MAPK4: variants seen among roughly 807,000 people sequenced by gnomAD.
MAPK4 encodes the protein Erk3-related.
A neutral mutation model predicts 47.7 loss-of-function variants in MAPK4; 22 were observed. The observed-to-expected ratio is 0.46, with a 90% CI of 0.33 to 0.66. The LOEUF (loss-of-function observed/expected upper bound fraction) is 0.66. Ranked by LOEUF, MAPK4 falls within the 30% of genes least tolerant of loss-of-function variation. The probability of loss-of-function intolerance (pLI) is 0.02; values close to 1 mark genes in which losing one functional copy is unlikely to be tolerated. For missense variants in MAPK4, 736 were observed against 831.7 expected (o/e 0.88, Z 1.42); for synonymous variants, 390 against 365.7 (o/e 1.07, Z -0.76).
At chr18:50,607,683 A>G (rs150233417) in intron 1 of MAPK4, among the ~76,000 whole-genome samples, 132 of 152,284 alleles carry the variant, frequency 8.7e-4, no homozygotes, top group African/African-American at 3.0e-3. Context: ...TCAGTCATGT[A>G]CCCATGTATT....
intron 1 of MAPK4, among the ~76,000 whole-genome samples, chr18:50,593,305 C>T (rs1018017614): frequency 1.8e-4 from 28 of 152,266 alleles, no homozygotes; most frequent in African/African-American, 5.3e-4. Context: ...GTCTTCCCAT[C>T]GTCTTTCCAT....
At chr18:50,687,235 G>A (rs1399170964) in intron 2 of MAPK4, among the ~76,000 whole-genome samples, 1 of 151,806 alleles carries the variant, frequency 6.6e-6, no homozygotes, top group Non-Finnish European at 1.5e-5. Context: ...GCATTGCCTA[G>A]GCTGGCCCTG....
At chr18:50,691,461 T>C (rs545809190) in intron 2 of MAPK4, among the ~76,000 whole-genome samples, 2 of 152,200 alleles carry the variant, frequency 1.3e-5, no homozygotes, top group South Asian at 4.1e-4. Flanking sequence ...TCATGCTCAG[T>C]TGAAATTTGA....
chr18:50,632,378 G>A (rs1203519867), intron 1 of MAPK4, among the ~76,000 whole-genome samples: 3 of 152,106 alleles, frequency 2.0e-5, no homozygotes, highest in African/African-American at 7.2e-5. Context: ...GTTCTTTTGT[G>A]TTATGTCAGA....
At chr18:50,572,626 G>C (rs1449690603) in intron 1 of MAPK4, among the ~76,000 whole-genome samples, 2 of 151,654 alleles carry the variant, frequency 1.3e-5, no homozygotes, top group Admixed American at 6.6e-5. Flanking sequence ...TTCTGAACTA[G>C]AGGCAGTAAA....
intron 1 of MAPK4, among the ~76,000 whole-genome samples, chr18:50,570,685 A>G (rs2042242156): frequency 6.6e-6 from 1 of 152,158 alleles, no homozygotes; most frequent in African/African-American, 2.4e-5. Context: ...TTGGAGCTTT[A>G]TGATAGTTTT....
At position 50,636,355 on chromosome 18, in the gene MAPK4, TG is replaced by T. The variant is rs2042888299; in HGVS notation, c.-870-26733del. Reference sequence around the variant, plus strand: ...TGAAGCCCCAAGAGGGCAGGGGCTATGTCTGACTGTTCATTTTATCCCCAGT... The same window carrying T: ...TGAAGCCCCAAGAGGGCAGGGGCTATTCTGACTGTTCATTTTATCCCCAGT... On this transcript the variant is annotated intron_variant, in intron 1 of 5. Coordinates refer to ENST00000400384, the MANE Select transcript of MAPK4 (RefSeq NM_002747.4). Among the ~76,000 whole-genome samples, 3 of 152,250 alleles carry T rather than the reference TG, an allele frequency of 2.0e-5. No individual in the cohort carries two copies. In the South Asian group the frequency reaches 6.2e-4, roughly 32 times the overall value.
Position 50,663,834 on chromosome 18 carries a change from G to A in MAPK4, c.-125G>A. The A allele has an allele frequency of 5.0e-6, 4 of 805,630 alleles. No individual in the cohort carries two copies. The highest frequency in any genetic ancestry group is 5.9e-6 in the Non-Finnish European group (3 of 510,866). The allele number at this position is 805,630 out of a possible 1,614,324, so 49.9% of individuals were successfully genotyped here. On this transcript the variant is annotated 5_prime_UTR_variant, in exon 2 of 6. Transcript: ENST00000400384. ...GCTGGTGGCAGTGACCTCACTAGGAGAAAACACATCCCTCAGCCGTGGGAC... is the reference window on the plus strand; with the variant it reads ...GCTGGTGGCAGTGACCTCACTAGGAAAAAACACATCCCTCAGCCGTGGGAC...
chr18:50,629,227 T>G (rs1455917357), intron 1 of MAPK4, among the ~76,000 whole-genome samples: 1 of 152,178 alleles, frequency 6.6e-6, no homozygotes, highest in Non-Finnish European at 1.5e-5. Flanking sequence ...CCTGAGAGAA[T>G]CATGTAACAA....
At chr18:50,562,487 T>C (rs1055773656) in intron 1 of MAPK4, among the ~76,000 whole-genome samples, 3 of 150,750 alleles carry the variant, frequency 2.0e-5, no homozygotes, top group Admixed American at 6.6e-5. Flanking sequence ...GAGGGAAGCA[T>C]GAAGACAGGG....
At chr18:50,672,065 G>A (rs1345997272) in intron 2 of MAPK4, among the ~76,000 whole-genome samples, 1 of 152,070 alleles carries the variant, frequency 6.6e-6, no homozygotes, top group African/African-American at 2.4e-5. Context: ...ACTAAAATGG[G>A]GTCTCTGCCG....
chr18:50,589,406 C>G (rs2042415802), intron 1 of MAPK4, among the ~76,000 whole-genome samples: 1 of 152,110 alleles, frequency 6.6e-6, no homozygotes, highest in African/African-American at 2.4e-5. Flanking sequence ...ACCATCCTGG[C>G]TAACACGGTG....
chr18:50,692,717 G>T (rs1468360439), intron 2 of MAPK4, among the ~76,000 whole-genome samples: 2 of 152,132 alleles, frequency 1.3e-5, no homozygotes, highest in African/African-American at 4.8e-5. Flanking sequence ...GAAAACAAAA[G>T]GGCCAAAGCA....
At chr18:50,574,416 A>C (rs1568031865) in intron 1 of MAPK4, among the ~76,000 whole-genome samples, 2 of 152,216 alleles carry the variant, frequency 1.3e-5, no homozygotes, top group Non-Finnish European at 2.9e-5. Flanking sequence ...TTGAGTTGGA[A>C]GAAAATCATC....
chr18:50,614,582 TG>T (rs2042667771), intron 1 of MAPK4, among the ~76,000 whole-genome samples: 1 of 152,186 alleles, frequency 6.6e-6, no homozygotes, highest in Admixed American at 6.5e-5. Context: ...CAGTTTCACC[TG>T]TATCAAAATA....
chr18:50,704,774 A>G, intron 2 of MAPK4: 2 of 398,622 alleles, frequency 5.0e-6, no homozygotes, highest in Non-Finnish European at 8.8e-6. Flanking sequence ...CTGCCTCTGC[A>G]TCCTCTTCTG....
At chr18:50,696,465 A>C (rs952675542) in intron 2 of MAPK4, among the ~76,000 whole-genome samples, 3 of 151,912 alleles carry the variant, frequency 2.0e-5, no homozygotes, top group African/African-American at 7.2e-5. Context: ...GGTGGGCGGC[A>C]TCTCCTATGC....
At chr18:50,585,385 G>A (rs1275395586) in intron 1 of MAPK4, among the ~76,000 whole-genome samples, 4 of 152,154 alleles carry the variant, frequency 2.6e-5, no homozygotes, top group Non-Finnish European at 5.9e-5. Flanking sequence ...GTCCTCCAAT[G>A]TGTGCTCTGC....
intron 1 of MAPK4, among the ~76,000 whole-genome samples, chr18:50,649,313 A>G (rs2043023781): frequency 6.6e-6 from 1 of 152,202 alleles, no homozygotes; most frequent in African/African-American, 2.4e-5. Flanking sequence ...AGAACGAAAA[A>G]CAATTGACAT....
Sources: gnomAD v4.1 joint callset for allele counts (sites outside exome capture counted in the v4.1 genomes callset) on GRCh38, gnomAD v4.1.1 for gene constraint, MANE v1.5 for transcripts, NCBI Gene and HGNC (gene_info 2026-07-23, HGNC 2026-07-21) for gene names.